Variants in ZNF407 observed in about 807,000 individuals in gnomAD.
The protein encoded by ZNF407 is zinc finger protein 407.
A neutral mutation model predicts 131.2 loss-of-function variants in ZNF407; 17 were observed. The ratio of observed to expected loss-of-function variants is 0.13; its 90% CI spans 0.09 to 0.19. ZNF407 has a LOEUF of 0.19. Ranked by LOEUF, ZNF407 falls within the 10% of genes least tolerant of loss-of-function variation. The pLI, the probability that ZNF407 is intolerant of heterozygous loss-of-function variation, is 1.00. For synonymous variants in ZNF407, 1,156 were observed against 1,062.0 expected, an observed-to-expected ratio of 1.09 and a Z score of -1.72; for missense variants, 2,681 against 2,830.6, an observed-to-expected ratio of 0.95 and a Z score of 1.20.
At chr18:75,058,762 C>A (rs958952454) in intron 8 of ZNF407, among the ~76,000 whole-genome samples, 2 of 152,136 alleles carry the variant, frequency 1.3e-5, no homozygotes, top group Non-Finnish European at 2.9e-5. Context: ...AACTGGAGGT[C>A]GATGTACCCA....
intron 8 of ZNF407, among the ~76,000 whole-genome samples, chr18:74,958,404 C>T (rs1177112338): frequency 6.6e-6 from 1 of 152,138 alleles, no homozygotes; most frequent in Non-Finnish European, 1.5e-5. Flanking sequence ...TGAGTTGCCT[C>T]CTCACAGTGG....
intron 8 of ZNF407, among the ~76,000 whole-genome samples, chr18:74,993,896 G>A (rs1972747659): frequency 6.6e-6 from 1 of 152,162 alleles, no homozygotes; most frequent in Admixed American, 6.5e-5. Flanking sequence ...TAAATGACTG[G>A]CGTGTATTTT....
At chr18:75,022,106 CTT>C (rs1360187196) in intron 8 of ZNF407, among the ~76,000 whole-genome samples, 1 of 151,950 alleles carries the variant, frequency 6.6e-6, no homozygotes, top group Non-Finnish European at 1.5e-5. Context: ...TAACTAGTAA[CTT>C]AACAAATGCA....
intron 3 of ZNF407, among the ~76,000 whole-genome samples, chr18:74,737,751 T>C (rs1968451928): frequency 6.6e-6 from 1 of 152,232 alleles, no homozygotes; most frequent in African/African-American, 2.4e-5. Context: ...ACAATTACCT[T>C]AGTGTCTCAT....
intron 4 of ZNF407, among the ~76,000 whole-genome samples, chr18:74,824,427 T>C (rs904736906): frequency 6.6e-6 from 1 of 152,128 alleles, no homozygotes; most frequent in East Asian, 1.9e-4. Context: ...ATTCAGGAGC[T>C]GGTTTTTTGA....
At chr18:74,795,403 T>C (rs1345579197) in intron 4 of ZNF407, among the ~76,000 whole-genome samples, 1 of 152,182 alleles carries the variant, frequency 6.6e-6, no homozygotes, top group African/African-American at 2.4e-5. Context: ...TGAATCAATA[T>C]ATTTGAGAAA....
chr18:74,984,518 G>T (rs1336210868), intron 8 of ZNF407, among the ~76,000 whole-genome samples: 1 of 152,174 alleles, frequency 6.6e-6, no homozygotes, highest in Non-Finnish European at 1.5e-5. Context: ...GGTTCAGCAT[G>T]TAAGTTGTTA....
intron 8 of ZNF407, among the ~76,000 whole-genome samples, chr18:75,014,443 C>T (rs745424412): frequency 2.1e-4 from 32 of 151,964 alleles, no homozygotes; most frequent in Non-Finnish European, 4.1e-4. Flanking sequence ...AAGCCATTTT[C>T]CTCTTTCTTT....
In ZNF407 at chr18:74,631,277, T is replaced by C; in HGVS notation, c.258T>C (p.Ser86=). The change falls in exon 2 of 9, where the codon TCT becomes TCC. Residue 86 remains serine, a synonymous_variant. Transcript: ENST00000299687. ...RKLDEAEPLK[S]GKQGICRLET... ...TAGATGAGGCAGAGCCCCTTAAATC[T>C]GGAAAGCAAGGTATTTGTAGATTAG... is the stretch of plus-strand genomic sequence containing the variant. 6.2e-7 allele frequency: 1 copy of C among 1,613,958 alleles called. No homozygotes were observed. The highest frequency in any genetic ancestry group is 1.1e-5 in the South Asian group (1 of 91,082).
intron 8 of ZNF407, among the ~76,000 whole-genome samples, chr18:75,035,862 C>G (rs1322541469): frequency 6.6e-6 from 1 of 152,216 alleles, no homozygotes; most frequent in Non-Finnish European, 1.5e-5. Context: ...AGAATAGGAT[C>G]TATAGGTATT....
intron 8 of ZNF407, among the ~76,000 whole-genome samples, chr18:75,016,748 T>G (rs1242921810): frequency 6.6e-5 from 10 of 152,186 alleles, no homozygotes; most frequent in Admixed American, 2.6e-4. Flanking sequence ...CTATTTCTGA[T>G]TTTCTGCCCT....
chr18:74,762,054 T>G (rs1203694527), intron 3 of ZNF407, among the ~76,000 whole-genome samples: 1 of 152,104 alleles, frequency 6.6e-6, no homozygotes, highest in East Asian at 1.9e-4. Flanking sequence ...TCTCTCTCTT[T>G]TAGTTACCTT....
Position 74,632,849 on chromosome 18 carries a change from G to A in ZNF407, c.1830G>A (p.Lys610=). ...EINLRDHMKE[K]HNMHFLCTPC... is the part of the protein sequence containing the mutation. ...ATCTTAGAGACCACATGAAGGAAAA[G>A]CACAATATGCATTTTCTTTGCACCC... Residue 610 remains lysine, a synonymous_variant, in exon 2 of 9, where the codon AAG becomes AAA. Coordinates refer to ENST00000299687, the MANE Select transcript of ZNF407 (RefSeq NM_017757.3). 1.9e-6 allele frequency: 3 copies of A among 1,613,566 alleles called. No individual in the cohort carries two copies. The highest frequency in any genetic ancestry group is 2.5e-6 in the Non-Finnish European group (3 of 1,179,858).
chr18:74,738,654 G>A (rs549295290), intron 3 of ZNF407, among the ~76,000 whole-genome samples: 3 of 152,000 alleles, frequency 2.0e-5, no homozygotes, highest in Admixed American at 6.6e-5. Context: ...CAGGAGAATC[G>A]TGTGAACCTG....
At chr18:74,879,257 T>C (rs1009665598) in intron 5 of ZNF407, among the ~76,000 whole-genome samples, 7 of 152,174 alleles carry the variant, frequency 4.6e-5, no homozygotes, top group African/African-American at 1.4e-4. Context: ...GGAAGAATAC[T>C]TGAATCCAGA....
At chr18:74,913,367 G>A (rs1379023663) in intron 7 of ZNF407, among the ~76,000 whole-genome samples, 1 of 152,146 alleles carries the variant, frequency 6.6e-6, no homozygotes, top group African/African-American at 2.4e-5. Context: ...ATACTATGAA[G>A]CTGTTAAAAA....
In ZNF407 at chr18:74,718,148, C is replaced by T. The variant is rs550260481; in HGVS notation, c.4803-63280C>T. On this transcript the variant is annotated intron_variant, in intron 3 of 8. Transcript: ENST00000299687. ...TTCTATACACCTCTGAAACCATTGACGAATACAGATAAAAGAACGTTCCTG... is the reference window on the plus strand; with the variant it reads ...TTCTATACACCTCTGAAACCATTGATGAATACAGATAAAAGAACGTTCCTG... Among the ~76,000 whole-genome samples the T allele has an allele frequency of 5.3e-5, 8 of 151,974 alleles. No homozygotes were observed. In the East Asian group the frequency reaches 1.5e-3, roughly 29 times the overall value.
At chr18:74,623,556 A>C (rs573018024) in intron 1 of ZNF407, among the ~76,000 whole-genome samples, 2 of 152,266 alleles carry the variant, frequency 1.3e-5, no homozygotes, top group African/African-American at 4.8e-5. Context: ...GTTTCATTTG[A>C]CTGAAATAAT....
At position 74,755,885 on chromosome 18, in the gene ZNF407, C is replaced by CTTTTTTTTTTTTTTT. The variant is rs34750560; in HGVS notation, c.4803-25531_4803-25517dup. On this transcript the variant is annotated intron_variant, in intron 3 of 8. Coordinates refer to ENST00000299687, the MANE Select transcript of ZNF407 (RefSeq NM_017757.3). The stretch of plus-strand genomic sequence containing the variant: ...CCTTCCTTCCTTCCTCTTTTCCTTC[C>CTTTTTTTTTTTTTTT]TTTTTTTTTTTTTTTTTTTTTTTTT... Among the ~76,000 whole-genome samples, 3 of 25,822 alleles carry CTTTTTTTTTTTTTTT rather than the reference C, an allele frequency of 1.2e-4. 1 individual carries two copies. The highest frequency in any genetic ancestry group is 2.0e-4 in the African/African-American group (1 of 4,990). The allele number at this position is 25,822 out of a possible 152,430, so 16.9% of individuals were successfully genotyped here.
Sources: allele counts gnomAD v4.1 joint callset (sites outside exome capture counted in the v4.1 genomes callset), GRCh38; gene constraint gnomAD v4.1.1; transcripts MANE v1.5; gene names NCBI Gene and HGNC (gene_info 2026-07-23, HGNC 2026-07-21).